The following GALNT18 variants were observed in gnomAD, a reference collection of about 807,000 sequenced individuals.
GALNT18 encodes GalNAc-transferase 18.
In GALNT18, 44 loss-of-function variants were observed where a neutral mutation model predicts 69.5. The ratio of observed to expected loss-of-function variants is 0.63; its 90% CI spans 0.50 to 0.81. The LOEUF is 0.81. GALNT18 is among the 40% of genes least tolerant of loss of function. The pLI, the probability that GALNT18 is intolerant of heterozygous loss-of-function variation, is 0.00. For synonymous variants in GALNT18, 364 were observed against 318.2 expected, an observed-to-expected ratio of 1.14 and a Z score of -1.53; for missense variants, 715 against 810.0, an observed-to-expected ratio of 0.88 and a Z score of 1.42.
intron 6 of GALNT18, chr11:11,352,828 C>T (rs538597439): frequency 1.4e-5 from 22 of 1,614,048 alleles, no homozygotes; most frequent in Admixed American, 5.0e-5. Flanking sequence ...ACAATGTCTG[C>T]CAGTGTGATG....
chr11:11,315,055 T>C lies in GALNT18; in HGVS notation c.1512+12031A>G, dbSNP rs1849729052. 6.6e-6 allele frequency among the ~76,000 whole-genome samples: 1 copy of C among 151,982 alleles called. No individual in the cohort carries two copies. The highest frequency in any genetic ancestry group is 2.1e-4 in the South Asian group (1 of 4,804). ...CTAATTATATGTGTGTGTGTGTGTGTGTGTGTGTATGTGTGTATATATGTG... is the reference window on the plus strand; with the variant it reads ...CTAATTATATGTGTGTGTGTGTGTGCGTGTGTGTATGTGTGTATATATGTG... On this transcript the variant is annotated intron_variant, in intron 9 of 10. Transcript: ENST00000227756. The surrounding 1 kb of genome is among the most constrained non-coding windows in gnomAD (Gnocchi z 5.6).
chr11:11,620,134 G>T lies in GALNT18; in HGVS notation c.235+1225C>A, dbSNP rs1860151789. 6.6e-6 allele frequency among the ~76,000 whole-genome samples: 1 copy of T among 151,904 alleles called. No individual in the cohort carries two copies. The highest frequency in any genetic ancestry group is 6.5e-5 in the Admixed American group (1 of 15,268). ...GTGTAAACAAAAGGGAGTGCTCCTG[G>T]CGGGGGGGTGGGGGGTAAGCCTTCA... On this transcript the variant is annotated intron_variant, in intron 1 of 10. Transcript: ENST00000227756. The surrounding 1 kb of genome is among the most constrained non-coding windows in gnomAD (Gnocchi z 6.9).
chr11:11,468,178 C>T (rs1352352336), intron 1 of GALNT18, among the ~76,000 whole-genome samples: 1 of 152,176 alleles, frequency 6.6e-6, no homozygotes, highest in Non-Finnish European at 1.5e-5. Flanking sequence ...AATATGTTAT[C>T]ATTCTCCTCT....
intron 1 of GALNT18, among the ~76,000 whole-genome samples, chr11:11,521,107 T>C (rs145664977): frequency 5.2e-4 from 79 of 151,582 alleles, no homozygotes; most frequent in South Asian, 2.7e-3. Context: ...GGAGGAAAGC[T>C]TTAGGAATCT....
chr11:11,443,818 G>C lies in GALNT18; in HGVS notation c.428+4926C>G, dbSNP rs999958375. On this transcript the variant is annotated intron_variant, in intron 2 of 10. Coordinates refer to ENST00000227756, the MANE Select transcript of GALNT18 (RefSeq NM_198516.3). ...CTCCCCCAGTTCTTCCCACCTGGATGGCTGAGGGGTCTGCCCTACTGCTGC... is the reference window on the plus strand; with the variant it reads ...CTCCCCCAGTTCTTCCCACCTGGATCGCTGAGGGGTCTGCCCTACTGCTGC... Among the ~76,000 whole-genome samples, 6 of 152,252 alleles carry C rather than the reference G, an allele frequency of 3.9e-5. No homozygotes were observed. The South Asian group carries it at 1.2e-3, about 32-fold the overall frequency.
chr11:11,599,064 C>G (rs1859571074), intron 1 of GALNT18, among the ~76,000 whole-genome samples: 1 of 151,844 alleles, frequency 6.6e-6, no homozygotes, highest in African/African-American at 2.4e-5. Context: ...AATGTGTATT[C>G]TGCTGTTATT....
chr11:11,350,649 G>A (rs544586381), intron 6 of GALNT18, among the ~76,000 whole-genome samples: 6 of 152,270 alleles, frequency 3.9e-5, no homozygotes, highest in Admixed American at 1.3e-4. Context: ...TCAGGAGGGT[G>A]CAAATCGATG....
In GALNT18 at chr11:11,408,832, C is replaced by G. The variant is rs192227036; in HGVS notation, c.595+23789G>C. ...CAGGATGAGTATATATGGCACAGGG[C>G]CAGGGTCAGAGCAGTGCTCTGCAAA... On this transcript the variant is annotated intron_variant, in intron 3 of 10. Coordinates refer to ENST00000227756, the MANE Select transcript of GALNT18 (RefSeq NM_198516.3). Among the ~76,000 whole-genome samples, 534 of 152,300 alleles carry G rather than the reference C, an allele frequency of 3.5e-3. 4 individuals carry two copies. The highest frequency in any genetic ancestry group is 6.8e-3 in the Middle Eastern group (2 of 294).
chr11:11,275,600 C>T (rs1191311052), intron 10 of GALNT18, among the ~76,000 whole-genome samples: 5 of 152,202 alleles, frequency 3.3e-5, no homozygotes, highest in African/African-American at 4.8e-5. Flanking sequence ...GTCATGAAGT[C>T]TTTGCCCATG....
At chr11:11,448,617 G>A (rs1296890847) in intron 2 of GALNT18, 127 bp downstream of exon 2, 5 of 684,012 alleles carry the variant, frequency 7.3e-6, no homozygotes, top group Non-Finnish European at 9.2e-6. Context: ...CGAGGGGACA[G>A]GCCCTGGCTG....
intron 8 of GALNT18, 96 bp from the exon 9 acceptor site, chr11:11,327,277 T>C (rs1490169759): frequency 4.2e-6 from 4 of 942,374 alleles, no homozygotes; most frequent in Non-Finnish European, 6.7e-6. Flanking sequence ...CTGAGACAGA[T>C]TTCATGTCCA....
At chr11:11,611,749 A>C (rs1380526273) in intron 1 of GALNT18, among the ~76,000 whole-genome samples, 1 of 152,192 alleles carries the variant, frequency 6.6e-6, no homozygotes, top group Non-Finnish European at 1.5e-5. Context: ...AGAAGTCACA[A>C]TGAATCTGAA....
At position 11,382,450 on chromosome 11, in the gene GALNT18, A is replaced by G. The variant is rs559956108; in HGVS notation, c.596-3186T>C. On this transcript the variant is annotated intron_variant, in intron 3 of 10. Coordinates refer to ENST00000227756, the MANE Select transcript of GALNT18 (RefSeq NM_198516.3). The surrounding 1 kb of genome is among the most constrained non-coding windows in gnomAD (Gnocchi z 4.3). ...TGTATATTATATATATTGACTATTA[A>G]CTATTTTATATACACATAAACACAC... is the stretch of plus-strand genomic sequence containing the variant. 1.3e-5 allele frequency among the ~76,000 whole-genome samples: 2 copies of G among 152,206 alleles called. No individual in the cohort carries two copies. The highest frequency in any genetic ancestry group is 6.5e-5 in the Admixed American group (1 of 15,282).
rs1236979284 is a variant in GALNT18, at chr11:11,356,399, A to G, written c.1093-15395T>C. Among the ~76,000 whole-genome samples, 2 of 152,242 alleles carry G rather than the reference A, an allele frequency of 1.3e-5. No homozygotes were observed. The highest frequency in any genetic ancestry group is 3.2e-3 in the Middle Eastern group (1 of 316). On this transcript the variant is annotated intron_variant, in intron 6 of 10. Coordinates refer to ENST00000227756, the MANE Select transcript of GALNT18 (RefSeq NM_198516.3). This position sits in a 1 kb window ranked among gnomAD's most constrained non-coding sequence, Gnocchi z 4.4. ...AGCATGCAGACTCAGCTAAAGAAGA[A>G]CAAAGAACAAAAATGGAAACAAAAG...
chr11:11,281,401 C>G (rs896383834), intron 10 of GALNT18, among the ~76,000 whole-genome samples: 1 of 152,160 alleles, frequency 6.6e-6, no homozygotes, highest in Admixed American at 6.5e-5. Context: ...ATCGGAGGAT[C>G]AGGGTGGGGG....
rs1029040438 is a variant in GALNT18, at chr11:11,454,982, G to T, written c.236-6046C>A. On this transcript the variant is annotated intron_variant, in intron 1 of 10. Transcript: ENST00000227756. This position sits in a 1 kb window ranked among gnomAD's most constrained non-coding sequence, Gnocchi z 4.2. ...CAAACAGGCTGACTCCTTCCTCATT[G>T]TTGACATTGAAATTCTCCCTGAGGG... is the stretch of plus-strand genomic sequence containing the variant. Among the ~76,000 whole-genome samples, 1 of 152,168 alleles carries T rather than the reference G, an allele frequency of 6.6e-6. No individual in the cohort carries two copies. Among genetic ancestry groups the T allele is most frequent in the African/African-American group, 2.4e-5 (1 of 41,430 alleles).
In GALNT18 at chr11:11,273,025, AAAATC is replaced by A. The variant is rs371050947; in HGVS notation, c.1678-1740_1678-1736del. Among the ~76,000 whole-genome samples the A allele has an allele frequency of 5.7e-3, 874 of 152,364 alleles. 12 individuals carry two copies. The highest frequency in any genetic ancestry group is 0.02 in the African/African-American group (828 of 41,578). The stretch of plus-strand genomic sequence containing the variant: ...AGAGCCCTATCTCTCGCTATATATG[AAAATC>A]AAATCAAAATAGGTTAAAGACTTAA... On this transcript the variant is annotated intron_variant, in intron 10 of 10. Coordinates refer to ENST00000227756, the MANE Select transcript of GALNT18 (RefSeq NM_198516.3).
In GALNT18 at chr11:11,470,474, C is replaced by T. The variant is rs751605414; in HGVS notation, c.236-21538G>A. On this transcript the variant is annotated intron_variant, in intron 1 of 10. Coordinates refer to ENST00000227756, the MANE Select transcript of GALNT18 (RefSeq NM_198516.3). The surrounding 1 kb of genome is among the most constrained non-coding windows in gnomAD (Gnocchi z 4.8). Reference sequence around the variant, plus strand: ...CATCAGTGTGTGAGGAAGGCGCTATCCTCCACGCAGTCGGCTAGGCAAGTG... The same window carrying T: ...CATCAGTGTGTGAGGAAGGCGCTATTCTCCACGCAGTCGGCTAGGCAAGTG... 6.6e-6 allele frequency among the ~76,000 whole-genome samples: 1 copy of T among 152,226 alleles called. No individual in the cohort carries two copies. The highest frequency in any genetic ancestry group is 1.5e-5 in the Non-Finnish European group (1 of 68,038).
rs1290227375 is a variant in GALNT18 at position 11,389,388 on chromosome 11, T to C, written c.596-10124A>G. On this transcript the variant is annotated intron_variant, in intron 3 of 10. Transcript: ENST00000227756. This position sits in a 1 kb window ranked among gnomAD's most constrained non-coding sequence, Gnocchi z 4.3. ...AGAATAATGAACTAATAGAAGTCAG[T>C]GTCTTTGCTGACTAAATGACCTTGG... Among the ~76,000 whole-genome samples, 2 of 152,240 alleles carry C rather than the reference T, an allele frequency of 1.3e-5. No individual in the cohort carries two copies. The highest frequency in any genetic ancestry group is 2.4e-5 in the African/African-American group (1 of 41,464).
Sources: gnomAD v4.1 joint callset for allele counts (sites outside exome capture counted in the v4.1 genomes callset) on GRCh38, gnomAD v4.1.1 for gene constraint, Gnocchi (gnomAD v3.1) non-coding constraint, MANE v1.5 for transcripts, NCBI Gene and HGNC (gene_info 2026-07-23, HGNC 2026-07-21) for gene names.